SRL: variants seen among roughly 807,000 people sequenced by gnomAD.
The protein encoded by SRL is sarcalumenin.
A neutral mutation model predicts 39.5 loss-of-function variants in SRL; 23 were observed. That is an observed-to-expected ratio of 0.58 (90% CI 0.42 to 0.82). The LOEUF is 0.82. SRL is among the 40% of genes least tolerant of loss of function. The pLI is 0.00. For missense variants in SRL, 592 were observed against 607.8 expected (o/e 0.97, Z 0.27); for synonymous variants, 272 against 237.4 (o/e 1.15, Z -1.34).
chr16:4,241,672 C>T (rs1049237791), intron 1 of SRL, among the ~76,000 whole-genome samples: 8 of 152,118 alleles, frequency 5.3e-5, no homozygotes, highest in East Asian at 1.9e-4. Context: ...CTATTTTGTC[C>T]GTCTCAGAGG....
At chr16:4,204,369 C>T (rs1639061148) in intron 2 of SRL, among the ~76,000 whole-genome samples, 164 bp downstream of exon 2, 2 of 75,666 alleles carry the variant, frequency 2.6e-5, no homozygotes, top group Admixed American at 3.0e-4. Flanking sequence ...ACCTTCAGGG[C>T]TCTCCTCTTC....
intron 1 of SRL, among the ~76,000 whole-genome samples, chr16:4,211,387 C>A (rs904752768): frequency 1.3e-5 from 2 of 152,214 alleles, no homozygotes; most frequent in Non-Finnish European, 2.9e-5. Context: ...GGAATCCAGC[C>A]CTTTCCATGG....
rs369909353 is a variant in SRL at position 4,236,945 on chromosome 16, CT to C, written c.61+5061del. Among the ~76,000 whole-genome samples, 1,155 of 142,950 alleles carry C rather than the reference CT, an allele frequency of 8.1e-3. 9 individuals are homozygous for C. Among genetic ancestry groups the C allele is most frequent in the African/African-American group, 0.02 (785 of 39,210 alleles). The allele number at this position is 142,950 out of a possible 152,430, so 93.8% of individuals were successfully genotyped here. On this transcript the variant is annotated intron_variant, in intron 1 of 5. Transcript: ENST00000399609. ...GTAAGCCACTGCACCCAGCCGTGAA[CT>C]TTTTTTTTTTTTTGAGACAAGGTCT...
intron 1 of SRL, among the ~76,000 whole-genome samples, chr16:4,213,404 CTTTTTTTTTT>C (rs1176583909): frequency 1.3e-4 from 9 of 69,586 alleles, no homozygotes; most frequent in East Asian, 6.1e-4. Context: ...TTTTCTTTTT[CTTTTTTTTTT>C]TTTTTTTTTT....
intron 1 of SRL, among the ~76,000 whole-genome samples, chr16:4,217,682 G>C (rs2052475745): frequency 6.6e-6 from 1 of 152,146 alleles, no homozygotes; most frequent in Non-Finnish European, 1.5e-5. Context: ...TACCTGCTTT[G>C]CCAGCCCCAT....
At chr16:4,223,876 A>G (rs1240696045) in intron 1 of SRL, among the ~76,000 whole-genome samples, 1 of 151,940 alleles carries the variant, frequency 6.6e-6, no homozygotes, top group African/African-American at 2.4e-5. Flanking sequence ...CCCCCTTCCT[A>G]GCTACGATCC....
At chr16:4,218,684 G>A (rs993274223) in intron 1 of SRL, among the ~76,000 whole-genome samples, 2 of 152,244 alleles carry the variant, frequency 1.3e-5, no homozygotes, top group African/African-American at 4.8e-5. Flanking sequence ...GCAGGTGAGA[G>A]GAAATGCCAC....
intron 1 of SRL, among the ~76,000 whole-genome samples, chr16:4,235,079 C>T (rs1423201075): frequency 6.6e-6 from 1 of 152,094 alleles, no homozygotes; most frequent in Non-Finnish European, 1.5e-5. Context: ...GGACAGGGGT[C>T]GGAGCAGGGG....
At chr16:4,200,838 G>C (rs1163708626) in intron 3 of SRL, among the ~76,000 whole-genome samples, 4 of 152,130 alleles carry the variant, frequency 2.6e-5, no homozygotes, top group African/African-American at 9.7e-5. Flanking sequence ...TGTAGAGCAG[G>C]AAGAATACAA....
chr16:4,193,798 T>C (rs1002946976), intron 5 of SRL, among the ~76,000 whole-genome samples: 1 of 151,930 alleles, frequency 6.6e-6, no homozygotes, highest in African/African-American at 2.4e-5. Context: ...CTTAAAAACA[T>C]TGAAATCTTT....
chr16:4,192,878 C>T lies in SRL; in HGVS notation c.697G>A (p.Gly233Ser). ...CGGAAGAGCATCTCCAGCTCTAGAC[C>T]CACATCCAGCTTTGTTGGGTCAAAG... is the stretch of plus-strand genomic sequence containing the variant. Reference protein sequence around the residue: ...VVFDPTKLDVGLELEMLFRQL... With the variant: ...VVFDPTKLDVSLELEMLFRQL... The change falls in exon 6 of 6, where the codon GGT becomes AGT. Residue 233 changes from glycine to serine, a missense_variant. Physicochemically the swap from Gly to Ser is moderately conservative, Grantham distance 56. Coordinates refer to ENST00000399609, the MANE Select transcript of SRL (RefSeq NM_001098814.2). This position sits in a 1 kb window ranked among gnomAD's most constrained non-coding sequence, Gnocchi z 4.0. 6.2e-7 allele frequency: 1 copy of T among 1,614,156 alleles called. No homozygotes were observed. Among genetic ancestry groups the T allele is most frequent in the South Asian group, 1.1e-5 (1 of 91,084 alleles).
chr16:4,210,215 C>A (rs74603556), intron 1 of SRL, among the ~76,000 whole-genome samples: 3,396 of 152,262 alleles, frequency 0.022, 116 homozygotes, highest in African/African-American at 0.077. Context: ...ACCTACATAC[C>A]TGTAAGTCCT....
At chr16:4,195,486 T>C in intron 5 of SRL, 67 bp downstream of exon 5, 1 of 1,509,786 alleles carries the variant, frequency 6.6e-7, no homozygotes, top group Non-Finnish European at 9.1e-7. Context: ...GCATGAGCCA[T>C]CATGCCTGGC....
chr16:4,193,017 G>A (rs935595782), intron 5 of SRL, 53 bp from the exon 6 acceptor site: 53 of 1,491,282 alleles, frequency 3.6e-5, no homozygotes, highest in East Asian at 2.7e-4. Flanking sequence ...CTCAAAGCCC[G>A]CGCACCTCCT....
At chr16:4,203,633 C>G (rs898471932) in intron 2 of SRL, among the ~76,000 whole-genome samples, 4 of 152,156 alleles carry the variant, frequency 2.6e-5, no homozygotes, top group African/African-American at 9.7e-5. Flanking sequence ...GTGATCCACC[C>G]ACCTCAGCCT....
chr16:4,197,891 A>G lies in SRL; in HGVS notation c.284T>C (p.Met95Thr), dbSNP rs2141025518. 3 of 1,613,734 alleles carry G rather than the reference A, an allele frequency of 1.9e-6. No homozygotes were observed. The highest frequency in any genetic ancestry group is 2.2e-5 in the East Asian group (1 of 44,886). The stretch of plus-strand genomic sequence containing the variant: ...ACTCCACGGTCCCAGGAACAGTACC[A>G]TGGGCTTGGAGGTAATCTCTCCATC... ...ITDGEITSKPMVLFLGPWSVG... is the reference protein window; with the variant it reads ...ITDGEITSKPTVLFLGPWSVG... Residue 95 changes from methionine to threonine, a missense_variant, in exon 4 of 6, where the codon ATG becomes ACG. By Grantham distance (81) the Met-to-Thr change is moderately conservative. Coordinates refer to ENST00000399609, the MANE Select transcript of SRL (RefSeq NM_001098814.2).
rs138208972 is a variant in SRL, at chr16:4,218,102, C to T, written c.62-13468G>A. 1.4e-4 allele frequency among the ~76,000 whole-genome samples: 22 copies of T among 152,258 alleles called. No individual in the cohort carries two copies. In the East Asian group the frequency reaches 4.1e-3, roughly 28 times the overall value. On this transcript the variant is annotated intron_variant, in intron 1 of 5. Transcript: ENST00000399609. ...CGTTCTGCTGATCCCAAAGTTAACC[C>T]CTGCAGTCCCTGACTCCAGCCTCAG...
rs746657238 is a variant in SRL, at chr16:4,197,812, A to G, written c.363T>C (p.Tyr121=). Residue 121 remains tyrosine (Y), a synonymous_variant, in exon 4 of 6, where the codon TAT becomes TAC. Transcript: ENST00000399609. ...AATATTGATTACCTGTATAGAGCTGATAGCGAGTATTTTCCAGCCCAAGGA... is the reference window on the plus strand; with the variant it reads ...AATATTGATTACCTGTATAGAGCTGGTAGCGAGTATTTTCCAGCCCAAGGA... ...NYLLGLENTR[Y]QLYTGAEPTT... 3.7e-6 allele frequency: 6 copies of G among 1,605,046 alleles called. No individual in the cohort carries two copies. In the African/African-American group the frequency reaches 5.4e-5, roughly 14 times the overall value.
intron 5 of SRL, among the ~76,000 whole-genome samples, chr16:4,193,805 CT>C (rs746967531): frequency 1.2e-3 from 176 of 144,558 alleles, no homozygotes; most frequent in Middle Eastern, 3.8e-3. Flanking sequence ...ACATTGAAAT[CT>C]TTTTTTTTTT....
Sources: allele counts gnomAD v4.1 joint callset (sites outside exome capture counted in the v4.1 genomes callset), GRCh38; gene constraint gnomAD v4.1.1; non-coding constraint Gnocchi (gnomAD v3.1); transcripts MANE v1.5; gene names NCBI Gene and HGNC (gene_info 2026-07-23, HGNC 2026-07-21).